The following RBFOX1 variants were observed in gnomAD, a reference collection of about 807,000 sequenced individuals.
The protein encoded by RBFOX1 is RNA binding protein fox-1 homolog 1.
In RBFOX1, 8 loss-of-function variants were observed where a neutral mutation model predicts 57.7. The observed-to-expected ratio is 0.14, with a 90% CI of 0.08 to 0.25. The LOEUF (loss-of-function observed/expected upper bound fraction) is 0.25, where lower values mean the gene tolerates loss of function less well. Ranked by LOEUF, RBFOX1 falls within the 10% of genes least tolerant of loss-of-function variation. The pLI, the probability that RBFOX1 is intolerant of heterozygous loss-of-function variation, is 1.00. For synonymous variants in RBFOX1, 326 were observed against 222.4 expected (o/e 1.47, Z -4.15); for missense variants, 611 against 548.5 (o/e 1.11, Z -1.14).
chr16:6,841,546 G>A (rs896298076), intron 3 of RBFOX1, among the ~76,000 whole-genome samples: 7 of 152,148 alleles, frequency 4.6e-5, no homozygotes, highest in African/African-American at 1.2e-4. Flanking sequence ...CTAATGAGGC[G>A]AGTATTACCA....
intron 4 of RBFOX1, among the ~76,000 whole-genome samples, chr16:7,079,654 G>A (rs184173141): frequency 4.6e-5 from 7 of 152,244 alleles, no homozygotes; most frequent in Non-Finnish European, 7.4e-5. Flanking sequence ...AGACAGCCAG[G>A]AAGATGAGAG....
At chr16:6,939,364 G>A (rs970281095) in intron 3 of RBFOX1, among the ~76,000 whole-genome samples, 5 of 150,564 alleles carry the variant, frequency 3.3e-5, no homozygotes, top group African/African-American at 7.4e-5. Flanking sequence ...CAAAGTTTTA[G>A]GTAGCTTTAT....
At chr16:7,557,146 T>C (rs1045005516) in intron 5 of RBFOX1, among the ~76,000 whole-genome samples, 8 of 152,268 alleles carry the variant, frequency 5.3e-5, no homozygotes, top group East Asian at 3.9e-4. Context: ...TGAGGTACCA[T>C]GGAGGTGAAG....
intron 4 of RBFOX1, among the ~76,000 whole-genome samples, chr16:7,234,457 C>T (rs2093664803): frequency 6.6e-6 from 1 of 152,054 alleles, no homozygotes; most frequent in African/African-American, 2.4e-5. Flanking sequence ...ATAAAATAAG[C>T]TCCCTCATCA....
chr16:7,131,842 A>G (rs1456579391), intron 4 of RBFOX1, among the ~76,000 whole-genome samples: 1 of 152,006 alleles, frequency 6.6e-6, no homozygotes, highest in East Asian at 1.9e-4. Context: ...ACATCTAAAC[A>G]TCCAAATGGC....
At chr16:6,860,790 C>T (rs540850522) in intron 3 of RBFOX1, among the ~76,000 whole-genome samples, 1 of 152,164 alleles carries the variant, frequency 6.6e-6, no homozygotes, top group East Asian at 1.9e-4. Context: ...AAGTAATTTG[C>T]AGCAGGAGAC....
chr16:6,064,642 G>T (rs746990633), intron 1 of RBFOX1, among the ~76,000 whole-genome samples: 4 of 152,078 alleles, frequency 2.6e-5, no homozygotes, highest in Non-Finnish European at 5.9e-5. Flanking sequence ...CCGGGTTCCA[G>T]TGATTCTCCT....
rs1253926536 is a variant in RBFOX1 at position 6,038,514 on chromosome 16, A to G, written c.-127+18522A>G. On this transcript the variant is annotated intron_variant, in intron 1 of 15. Coordinates refer to ENST00000550418, the MANE Select transcript of RBFOX1 (RefSeq NM_018723.4). ...ATATGTACACTGTACCTCAATATCCATATATATATCCGTGGAGATATATAT... is the reference window on the plus strand; with the variant it reads ...ATATGTACACTGTACCTCAATATCCGTATATATATCCGTGGAGATATATAT... 3 of 134,136 alleles carry G rather than the reference A, an allele frequency of 2.2e-5. No homozygotes were observed. In the East Asian group the frequency reaches 6.7e-4, roughly 30 times the overall value. 8.3% of individuals were successfully genotyped at this position (134,136 alleles called of 1,614,324 possible). A position where few individuals can be genotyped will look rare whatever the true frequency, so the allele number is the denominator to read the frequency against.
At chr16:7,693,275 C>T (rs764556194) in intron 14 of RBFOX1, 12 of 1,585,512 alleles carry the variant, frequency 7.6e-6, no homozygotes, top group Non-Finnish European at 1.0e-5. Flanking sequence ...CACATTTCCC[C>T]CTGAGCGAGC....
intron 5 of RBFOX1, among the ~76,000 whole-genome samples, chr16:7,555,825 C>T (rs537596787): frequency 2.6e-4 from 40 of 152,294 alleles, no homozygotes; most frequent in African/African-American, 9.4e-4. Context: ...CCTACCTCCA[C>T]GGTCCCTTCC....
chr16:6,439,462 T>C (rs802321), intron 2 of RBFOX1, among the ~76,000 whole-genome samples: 10,074 of 152,190 alleles, frequency 0.066, 951 homozygotes, highest in African/African-American at 0.21. Context: ...GGGCAAGTGA[T>C]GGGATTGTCG....
intron 2 of RBFOX1, among the ~76,000 whole-genome samples, chr16:6,595,319 C>A (rs560370269): frequency 2.6e-5 from 4 of 152,118 alleles, no homozygotes; most frequent in African/African-American, 9.7e-5. Context: ...AATATGTGGC[C>A]TTTCATGTCT....
intron 5 of RBFOX1, among the ~76,000 whole-genome samples, chr16:7,527,475 G>C (rs1215380385): frequency 1.3e-5 from 2 of 152,064 alleles, no homozygotes; most frequent in Admixed American, 1.3e-4. Flanking sequence ...TTTTTGGACT[G>C]GGGTTTCAGC....
chr16:7,276,439 G>C (rs2095441857), intron 4 of RBFOX1, among the ~76,000 whole-genome samples: 1 of 152,192 alleles, frequency 6.6e-6, no homozygotes, highest in African/African-American at 2.4e-5. Context: ...AGACTCTGTG[G>C]ATACAAAATA....
chr16:6,237,713 C>G (rs577638079), intron 1 of RBFOX1, among the ~76,000 whole-genome samples: 1 of 151,648 alleles, frequency 6.6e-6, no homozygotes, highest in South Asian at 2.1e-4. Context: ...TACACTCCAG[C>G]CTGGGCGACA....
At chr16:6,973,674 T>TTGGGA (rs1421629456) in intron 3 of RBFOX1, among the ~76,000 whole-genome samples, 1 of 152,188 alleles carries the variant, frequency 6.6e-6, no homozygotes, top group African/African-American at 2.4e-5. Flanking sequence ...ATAAACCCAT[T>TTGGGA]TGGGATTTTT....
At chr16:6,464,425 T>G (rs1300091150) in intron 2 of RBFOX1, among the ~76,000 whole-genome samples, 1 of 100,258 alleles carries the variant, frequency 1.0e-5, no homozygotes, top group Non-Finnish European at 2.2e-5. Context: ...TACACAAAAG[T>G]ATGCTTGTGA....
chr16:6,585,110 G>A (rs1372821615), intron 2 of RBFOX1, among the ~76,000 whole-genome samples: 1 of 152,110 alleles, frequency 6.6e-6, no homozygotes, highest in African/African-American at 2.4e-5. Flanking sequence ...ATACACAATG[G>A]TTAGCATTTT....
At chr16:5,259,048 C>T (rs578212931) in intron 1 of RBFOX1, among the ~76,000 whole-genome samples, 139 of 152,258 alleles carry the variant, frequency 9.1e-4, no homozygotes, top group Non-Finnish European at 1.7e-3. Context: ...TCAAGCATTC[C>T]CAGGGCTGGC....
Sources: gnomAD v4.1 joint callset for allele counts (sites outside exome capture counted in the v4.1 genomes callset) on GRCh38, gnomAD v4.1.1 for gene constraint, MANE v1.5 for transcripts, NCBI Gene and HGNC (gene_info 2026-07-23, HGNC 2026-07-21) for gene names.